The following DNM2 variants were observed in gnomAD, a reference collection of about 807,000 sequenced individuals.
DNM2 encodes dynamin 2, also known as dynamin-2.
Under a neutral mutation model 99.0 loss-of-function variants are expected in DNM2, and 15 were observed. The ratio of observed to expected loss-of-function variants is 0.15; its 90% CI spans 0.10 to 0.23. DNM2 has a LOEUF of 0.23. Ranked by LOEUF, DNM2 falls within the 10% of genes least tolerant of loss-of-function variation. DNM2 has a pLI of 1.00. For synonymous variants in DNM2, 525 were observed against 481.2 expected, an observed-to-expected ratio of 1.09 and a Z score of -1.19; for missense variants, 742 against 1,189.4, an observed-to-expected ratio of 0.62 and a Z score of 5.53.
intron 1 of DNM2, among the ~76,000 whole-genome samples, chr19:10,733,438 C>T (rs1295498487): frequency 6.6e-6 from 1 of 151,896 alleles, no homozygotes; most frequent in Non-Finnish European, 1.5e-5. Flanking sequence ...GGTAATCTGC[C>T]TGCCTCAGCC....
chr19:10,729,435 G>C (rs1599427870), intron 1 of DNM2, among the ~76,000 whole-genome samples: 2 of 152,126 alleles, frequency 1.3e-5, no homozygotes, highest in East Asian at 3.9e-4. Context: ...GGGAATGGCT[G>C]CAGGGGGCTG....
chr19:10,753,199 A>C (rs937944444), intron 1 of DNM2, among the ~76,000 whole-genome samples: 1 of 152,182 alleles, frequency 6.6e-6, no homozygotes, highest in African/African-American at 2.4e-5. Flanking sequence ...GTCAGTGTTG[A>C]ATAGCTATTA....
At position 10,817,522 on chromosome 19, in the gene DNM2, C is replaced by A. The variant is rs780027905; in HGVS notation, c.1672-2458C>A. The A allele has an allele frequency of 6.8e-6, 3 of 441,014 alleles. No individual in the cohort carries two copies. Among genetic ancestry groups the A allele is most frequent in the Non-Finnish European group, 9.3e-6 (2 of 215,478 alleles). The allele number at this position is 441,014 out of a possible 1,614,324, so 27.3% of individuals were successfully genotyped here. A position where few individuals can be genotyped will look rare whatever the true frequency, so the allele number is the denominator to read the frequency against. ...GGGGCCGGCTATCCATCCTGCAGAACCCCCCAGGCAGACGCTGGGGCCACC... is the reference window on the plus strand; with the variant it reads ...GGGGCCGGCTATCCATCCTGCAGAAACCCCCAGGCAGACGCTGGGGCCACC... On this transcript the variant is annotated intron_variant, in intron 15 of 20. Transcript: ENST00000389253. The surrounding 1 kb of genome is among the most constrained non-coding windows in gnomAD (Gnocchi z 4.6).
rs1568317413 is a variant in DNM2, at chr19:10,817,797, A to T, written c.1672-2183A>T. On this transcript the variant is annotated intron_variant, in intron 15 of 20. Transcript: ENST00000389253. The surrounding 1 kb of genome is among the most constrained non-coding windows in gnomAD (Gnocchi z 4.6). ...GGGGGTGGGGAGGAGGGGCGCACAC[A>T]CACGTGTGTGTGTGTGTGTGCGCGC... is the stretch of plus-strand genomic sequence containing the variant. 2.1e-5 allele frequency among the ~76,000 whole-genome samples: 3 copies of T among 143,932 alleles called. No homozygotes were observed. Among genetic ancestry groups the T allele is most frequent in the African/African-American group, 7.6e-5 (3 of 39,338 alleles). The allele number at this position is 143,932 out of a possible 152,430, so 94.4% of individuals were successfully genotyped here. A position where few individuals can be genotyped will look rare whatever the true frequency, so the allele number is the denominator to read the frequency against.
chr19:10,796,737 A>G lies in DNM2; in HGVS notation c.1197-643A>G, dbSNP rs2071948288. On this transcript the variant is annotated intron_variant, in intron 9 of 20. Transcript: ENST00000389253. This position sits in a 1 kb window ranked among gnomAD's most constrained non-coding sequence, Gnocchi z 5.6. The stretch of plus-strand genomic sequence containing the variant: ...CCCCCTGCACCCCACGCTGTCCCCC[A>G]GGGGCAGCCCATTTTTGGATCCACT... Among the ~76,000 whole-genome samples the G allele has an allele frequency of 6.6e-6, 1 of 151,956 alleles. No homozygotes were observed. The highest frequency in any genetic ancestry group is 2.1e-4 in the South Asian group (1 of 4,812).
chr19:10,783,319 T>C (rs2071439388), intron 6 of DNM2, among the ~76,000 whole-genome samples, 199 bp downstream of exon 6: 1 of 152,006 alleles, frequency 6.6e-6, no homozygotes, highest in African/African-American at 2.4e-5. Flanking sequence ...TAGAAAAAAT[T>C]AGCTAAGCAT....
intron 6 of DNM2, 70 bp downstream of exon 6, chr19:10,783,190 C>T (rs1385257022): frequency 1.7e-5 from 27 of 1,589,838 alleles, no homozygotes; most frequent in Non-Finnish European, 2.3e-5. Flanking sequence ...GCAATCCTCA[C>T]TGGCACTTGT....
rs987865150 is a variant in DNM2 at position 10,772,093 on chromosome 19, T to C, written c.236-386T>C. Among the ~76,000 whole-genome samples, 1 of 151,860 alleles carries C rather than the reference T, an allele frequency of 6.6e-6. No individual in the cohort carries two copies. ...TATTTTATTTTATTTATTTTTTTAT[T>C]TTTTTGAGATGGAGTCTTCTCTGTC... is the stretch of plus-strand genomic sequence containing the variant. On this transcript the variant is annotated intron_variant, in intron 2 of 20. Coordinates refer to ENST00000389253, the MANE Select transcript of DNM2 (RefSeq NM_001005361.3). The surrounding 1 kb of genome is among the most constrained non-coding windows in gnomAD (Gnocchi z 4.9).
At chr19:10,746,608 C>CG (rs1435417144) in intron 1 of DNM2, among the ~76,000 whole-genome samples, 1 of 151,450 alleles carries the variant, frequency 6.6e-6, no homozygotes, top group Admixed American at 6.6e-5. Context: ...TTAGTAGAGA[C>CG]GGGGTTTCTC....
At chr19:10,763,023 C>T (rs1490484057) in intron 2 of DNM2, 4 of 153,036 alleles carry the variant, frequency 2.6e-5, no homozygotes, top group Non-Finnish European at 5.8e-5. Context: ...GCTTGCACCC[C>T]TCAGCCCCGC....
At chr19:10,767,265 A>T (rs931436939) in intron 2 of DNM2, among the ~76,000 whole-genome samples, 19 of 151,280 alleles carry the variant, frequency 1.3e-4, no homozygotes, top group Non-Finnish European at 7.4e-5. Context: ...GAGCGCATGC[A>T]GCGTTCCAGA....
At chr19:10,756,138 G>A (rs1035814317) in intron 1 of DNM2, among the ~76,000 whole-genome samples, 1 of 152,140 alleles carries the variant, frequency 6.6e-6, no homozygotes, top group Non-Finnish European at 1.5e-5. Flanking sequence ...GTGACGGAAA[G>A]ACAAGGGGCC....
At position 10,831,386 on chromosome 19, in the gene DNM2, GA is replaced by G; in HGVS notation, c.*342del. 9.2e-7 allele frequency: 1 copy of G among 1,083,976 alleles called. No homozygotes were observed. The allele number at this position is 1,083,976 out of a possible 1,614,324, so 67.1% of individuals were successfully genotyped here. A position where few individuals can be genotyped will look rare whatever the true frequency, so the allele number is the denominator to read the frequency against. On this transcript the variant is annotated 3_prime_UTR_variant, in exon 21 of 21. Transcript: ENST00000389253. The surrounding 1 kb of genome is among the most constrained non-coding windows in gnomAD (Gnocchi z 4.3). ...CTCTACCAAGGTCTTCTTGGGCTGG[GA>G]AAGCCCATGTAGGGCAGGCCTTCTA...
chr19:10,770,088 C>T (rs1055070476), intron 2 of DNM2, among the ~76,000 whole-genome samples: 4 of 152,188 alleles, frequency 2.6e-5, no homozygotes, highest in African/African-American at 7.2e-5. Context: ...ACTTGTGAGG[C>T]GCAACGGGAC....
chr19:10,735,707 C>T (rs748721936), intron 1 of DNM2, among the ~76,000 whole-genome samples: 7 of 151,494 alleles, frequency 4.6e-5, no homozygotes, highest in African/African-American at 1.7e-4. Flanking sequence ...GATGGGGTCT[C>T]GCTGTGTTGC....
chr19:10,749,822 G>GT (rs1248256248), intron 1 of DNM2, among the ~76,000 whole-genome samples: 8 of 152,246 alleles, frequency 5.3e-5, no homozygotes, highest in Admixed American at 3.3e-4. Context: ...TTTGCTGGGA[G>GT]TGGGAAGGGG....
At chr19:10,739,996 T>G (rs2069684796) in intron 1 of DNM2, among the ~76,000 whole-genome samples, 2 of 152,054 alleles carry the variant, frequency 1.3e-5, no homozygotes, top group African/African-American at 4.8e-5. Flanking sequence ...TCTTCTTGAG[T>G]CAGTTTCAGT....
intron 1 of DNM2, among the ~76,000 whole-genome samples, chr19:10,721,618 A>G (rs2068944480): frequency 1.3e-5 from 2 of 152,026 alleles, no homozygotes; most frequent in Admixed American, 1.3e-4. Context: ...GTCCTAGCTC[A>G]TTGCAGCCTC....
At chr19:10,749,810 G>A (rs60956778) in intron 1 of DNM2, among the ~76,000 whole-genome samples, 6,638 of 152,344 alleles carry the variant, frequency 0.044, 185 homozygotes, top group African/African-American at 0.066. Context: ...ATCAGAGGCC[G>A]TTTTGCTGGG....
Sources: gnomAD v4.1 joint callset for allele counts (sites outside exome capture counted in the v4.1 genomes callset) on GRCh38, gnomAD v4.1.1 for gene constraint, Gnocchi (gnomAD v3.1) non-coding constraint, MANE v1.5 for transcripts, NCBI Gene and HGNC (gene_info 2026-07-23, HGNC 2026-07-21) for gene names.